Variants in FAAH2 observed in about 807,000 individuals in gnomAD.
FAAH2 encodes fatty-acid amide hydrolase 2.
A neutral mutation model predicts 36.9 loss-of-function variants in FAAH2; 60 were observed. That is an observed-to-expected ratio of 1.63 (90% CI 1.32 to 2.02). FAAH2 has a LOEUF of 2.02. Among genes scored for constraint, FAAH2 ranks in the 30% most tolerant of loss-of-function variants. FAAH2 has a pLI of 0.00. For synonymous variants in FAAH2, 214 were observed against 143.8 expected (o/e 1.49, Z -3.49); for missense variants, 689 against 397.5 (o/e 1.73, Z -6.23).
the FAAH2 span, among the ~76,000 whole-genome samples, chrX:57,196,646 CA>C: frequency 2.7e-5 from 3 of 111,763 alleles, no homozygotes; most frequent in African/African-American, 6.5e-5. Flanking sequence ...TTTCAGTTTT[CA>C]GGGAAAATAT....
chrX:57,290,337 G>T, intron 1 of FAAH2: 1 of 698,585 alleles, frequency 1.4e-6, no homozygotes, highest in Non-Finnish European at 1.7e-6. Context: ...GGCTCTTAAT[G>T]CTAGAGCTCT....
At chrX:57,465,811 C>T (rs1007476047) in intron 10 of FAAH2, among the ~76,000 whole-genome samples, 2 of 110,486 alleles carry the variant, frequency 1.8e-5, no homozygotes, top group East Asian at 5.7e-4. Context: ...TATTTCTTCT[C>T]TTGCTTTTAA....
chrX:57,150,226 T>C, the FAAH2 span, among the ~76,000 whole-genome samples: 1 of 112,095 alleles, frequency 8.9e-6, no homozygotes, highest in Middle Eastern at 4.6e-3. Context: ...CTGAAAAGAA[T>C]GTATATTCTG....
At chrX:57,454,157 A>T (rs1482310939) in intron 10 of FAAH2, among the ~76,000 whole-genome samples, 9 of 111,607 alleles carry the variant, frequency 8.1e-5, no homozygotes, top group Non-Finnish European at 1.5e-4. Context: ...GCCTGCTAGC[A>T]CTCTTAAGCG....
the FAAH2 span, among the ~76,000 whole-genome samples, chrX:57,141,369 T>A: frequency 8.9e-6 from 1 of 112,330 alleles, no homozygotes. Context: ...GCATGTATAT[T>A]TATTGGTAAT....
At chrX:57,327,708 C>A (rs1420963091) in intron 3 of FAAH2, among the ~76,000 whole-genome samples, 1 of 111,412 alleles carries the variant, frequency 9.0e-6, no homozygotes, top group African/African-American at 3.3e-5. Flanking sequence ...TTAAGGACTT[C>A]TCTGCCTTGA....
chrX:57,377,864 C>T (rs752897063), intron 5 of FAAH2, among the ~76,000 whole-genome samples: 16 of 111,713 alleles, frequency 1.4e-4, no homozygotes, highest in East Asian at 5.6e-4. Context: ...CTTCACATCC[C>T]GTGTAAGTTG....
At chrX:57,165,384 T>C in the FAAH2 span, among the ~76,000 whole-genome samples, 1 of 112,424 alleles carries the variant, frequency 8.9e-6, no homozygotes, top group Non-Finnish European at 1.9e-5. Context: ...GTTCATGTCC[T>C]TTGTAGGTAC....
intron 8 of FAAH2, among the ~76,000 whole-genome samples, chrX:57,439,883 G>C (rs1337955687): frequency 9.0e-6 from 1 of 111,394 alleles, no homozygotes; most frequent in Non-Finnish European, 1.9e-5. Context: ...TCTTGTTTTT[G>C]TCAGGTTTGT....
At chrX:57,410,205 T>C (rs914867236) in intron 7 of FAAH2, among the ~76,000 whole-genome samples, 11 of 111,714 alleles carry the variant, frequency 9.8e-5, no homozygotes, top group Non-Finnish European at 1.9e-4. Flanking sequence ...TTTAGTTTCA[T>C]AACATTGTGG....
chrX:57,464,774 C>A (rs1172464868), intron 10 of FAAH2, among the ~76,000 whole-genome samples: 1 of 111,095 alleles, frequency 9.0e-6, no homozygotes, highest in Non-Finnish European at 1.9e-5. Flanking sequence ...ATCACTAGAA[C>A]CTCAAGCCAC....
the FAAH2 span, among the ~76,000 whole-genome samples, chrX:57,148,670 T>C: frequency 1.8e-5 from 2 of 111,678 alleles, no homozygotes; most frequent in Non-Finnish European, 3.8e-5. Flanking sequence ...GCTGAGACAA[T>C]GGGATTTTCT....
At chrX:57,202,206 T>G in the FAAH2 span, among the ~76,000 whole-genome samples, 1 of 112,202 alleles carries the variant, frequency 8.9e-6, no homozygotes, top group East Asian at 2.8e-4. Context: ...TAAATGTTCA[T>G]TAGTGTCTGA....
the FAAH2 span, among the ~76,000 whole-genome samples, chrX:57,161,556 C>T: frequency 9.0e-6 from 1 of 111,697 alleles, no homozygotes; most frequent in East Asian, 2.8e-4. Context: ...GTATTGGGTG[C>T]ATATGTATTT....
chrX:57,433,725 A>G (rs1289621677), intron 8 of FAAH2, among the ~76,000 whole-genome samples: 1 of 112,275 alleles, frequency 8.9e-6, no homozygotes, highest in Non-Finnish European at 1.9e-5. Context: ...TTCTCTTTTT[A>G]TACTCAATAA....
At chrX:57,370,668 G>T (rs1374650502) in intron 5 of FAAH2, among the ~76,000 whole-genome samples, 1 of 112,201 alleles carries the variant, frequency 8.9e-6, no homozygotes, top group Non-Finnish European at 1.9e-5. Context: ...TTAGAAACTG[G>T]CTGCACAGCA....
chrX:57,328,052 C>A (rs188199305), intron 3 of FAAH2, among the ~76,000 whole-genome samples: 405 of 112,185 alleles, frequency 3.6e-3, no homozygotes, highest in African/African-American at 0.012. Flanking sequence ...AGTTTTCCTT[C>A]TAACGGTCAG....
At chrX:57,135,851 G>A in the FAAH2 span, 1 of 1,210,202 alleles carries the variant, frequency 8.3e-7, no homozygotes, top group Middle Eastern at 2.3e-4. Flanking sequence ...CGTAGACATA[G>A]ATATGGAAAT....
At chrX:57,382,244 T>C (rs778056049) in intron 7 of FAAH2, among the ~76,000 whole-genome samples, 2 of 111,101 alleles carry the variant, frequency 1.8e-5, no homozygotes, top group South Asian at 7.8e-4. Flanking sequence ...AAATTGGCAC[T>C]CTAACATCAC....
Sources: gnomAD v4.1 joint callset for allele counts (sites outside exome capture counted in the v4.1 genomes callset) on GRCh38, gnomAD v4.1.1 for gene constraint, MANE v1.5 for transcripts, NCBI Gene and HGNC (gene_info 2026-07-23, HGNC 2026-07-21) for gene names.